MAN1A2: variants seen among roughly 807,000 people sequenced by gnomAD.
MAN1A2 encodes the protein mannosidase alpha class 1A member 2.
In MAN1A2, 26 loss-of-function variants were observed where a neutral mutation model predicts 75.7. That is an observed-to-expected ratio of 0.34 (90% CI 0.25 to 0.48). MAN1A2 has a LOEUF of 0.48. Ranked by LOEUF, MAN1A2 falls within the 20% of genes least tolerant of loss-of-function variation. The pLI is 0.99. For missense variants in MAN1A2, 562 were observed against 775.5 expected (o/e 0.72, Z 3.27); for synonymous variants, 247 against 264.6 (o/e 0.93, Z 0.65).
intron 5 of MAN1A2, among the ~76,000 whole-genome samples, chr1:117,437,940 C>T (rs1452970710): frequency 6.6e-6 from 1 of 152,198 alleles, no homozygotes; most frequent in Non-Finnish European, 1.5e-5. Flanking sequence ...TGTTGAGCAT[C>T]TGCTATATGC....
At chr1:117,512,177 G>A (rs1651556727) in intron 12 of MAN1A2, among the ~76,000 whole-genome samples, 1 of 152,134 alleles carries the variant, frequency 6.6e-6, no homozygotes, top group Non-Finnish European at 1.5e-5. Flanking sequence ...AAAGCAAGAA[G>A]AAGGGACCCA....
At position 117,367,879 on chromosome 1, in the gene MAN1A2, C is replaced by T. The variant is rs1652821305; in HGVS notation, c.-305C>T. The T allele has an allele frequency of 3.5e-6, 1 of 286,338 alleles. No individual in the cohort carries two copies. The highest frequency in any genetic ancestry group is 6.9e-5 in the East Asian group (1 of 14,506). The allele number at this position is 286,338 out of a possible 1,614,324, so 17.7% of individuals were successfully genotyped here. A position where few individuals can be genotyped will look rare whatever the true frequency, so the allele number is the denominator to read the frequency against. On this transcript the variant is annotated 5_prime_UTR_variant, in exon 1 of 13. Transcript: ENST00000356554. ...AAGAACCCACCTTGCAGCTTTTCTG[C>T]AGTGTGGCTTGCCTGATCTACCCCT...
Position 117,402,238 on chromosome 1 carries a change from T to C in MAN1A2, c.355T>C (p.Leu119=), listed in dbSNP as rs1317939450. 1.9e-6 allele frequency: 3 copies of C among 1,613,660 alleles called. No individual in the cohort carries two copies. Among genetic ancestry groups the C allele is most frequent in the Non-Finnish European group, 2.5e-6 (3 of 1,179,742 alleles). ...NKIRADHEKA[L]EEAKEKLRKS... ...AATTCGAGCTGATCATGAGAAGGCC[T>C]TGGAAGAAGCAAAAGAAAAATTAAG... The change falls in exon 2 of 13, where the codon TTG becomes CTG. Residue 119 remains leucine (L), a synonymous_variant. Coordinates refer to ENST00000356554, the MANE Select transcript of MAN1A2 (RefSeq NM_006699.5).
intron 9 of MAN1A2, chr1:117,494,572 G>T (rs1490025782): frequency 1.3e-5 from 2 of 151,894 alleles, no homozygotes; most frequent in Non-Finnish European, 2.9e-5. Context: ...AAATGCACAG[G>T]AGTTGAACTT....
intron 12 of MAN1A2, chr1:117,515,203 G>A (rs1651675711): frequency 5.9e-6 from 1 of 169,428 alleles, no homozygotes; most frequent in Non-Finnish European, 1.3e-5. Flanking sequence ...TCTGTTTTGA[G>A]CATGTATATA....
chr1:117,377,780 T>G (rs1303421144), intron 1 of MAN1A2, among the ~76,000 whole-genome samples: 5 of 152,318 alleles, frequency 3.3e-5, no homozygotes, highest in African/African-American at 1.2e-4. Flanking sequence ...ATAGTATGCT[T>G]TCATATCTGG....
intron 1 of MAN1A2, among the ~76,000 whole-genome samples, chr1:117,371,343 A>C (rs1289952): frequency 0.29 from 43,908 of 152,030 alleles, 6,815 homozygotes; most frequent in African/African-American, 0.39. Context: ...TGAAACTTTC[A>C]ATCTAGGGAG....
At chr1:117,470,480 TA>T (rs1650114849) in intron 8 of MAN1A2, among the ~76,000 whole-genome samples, 1 of 152,112 alleles carries the variant, frequency 6.6e-6, no homozygotes. Flanking sequence ...TTTTGTGTTA[TA>T]TACATTTCAT....
chr1:117,412,771 T>A (rs1436701164), intron 3 of MAN1A2, among the ~76,000 whole-genome samples: 1 of 151,836 alleles, frequency 6.6e-6, no homozygotes, highest in East Asian at 1.9e-4. Flanking sequence ...ACAATCATGA[T>A]GATAGCCAGT....
intron 12 of MAN1A2, among the ~76,000 whole-genome samples, chr1:117,509,265 G>A (rs1356306755): frequency 1.3e-5 from 2 of 151,886 alleles, no homozygotes; most frequent in Admixed American, 6.6e-5. Context: ...AGAAATGGCT[G>A]TAAACACATG....
intron 1 of MAN1A2, among the ~76,000 whole-genome samples, chr1:117,384,362 A>C (rs1305338418): frequency 6.6e-6 from 1 of 152,128 alleles, no homozygotes; most frequent in Non-Finnish European, 1.5e-5. Flanking sequence ...TTTCTTTGAC[A>C]TGTTGGTTAA....
In MAN1A2 at chr1:117,506,400, T is replaced by C. The variant is rs61805825; in HGVS notation, c.1793+3430T>C. Among the ~76,000 whole-genome samples, 853 of 151,710 alleles carry C rather than the reference T, an allele frequency of 5.6e-3. 5 individuals carry two copies. Among genetic ancestry groups the C allele is most frequent in the Non-Finnish European group, 8.9e-3 (601 of 67,682 alleles). ...TAGGTGCTATACCATGGAGTAGTTA[T>C]TGCTATAGGCATACTTTTTTCCCCA... On this transcript the variant is annotated intron_variant, in intron 12 of 12. Coordinates refer to ENST00000356554, the MANE Select transcript of MAN1A2 (RefSeq NM_006699.5).
At chr1:117,391,015 G>C (rs1653702096) in intron 1 of MAN1A2, among the ~76,000 whole-genome samples, 2 of 152,100 alleles carry the variant, frequency 1.3e-5, no homozygotes, top group South Asian at 4.1e-4. Context: ...TATCTGCAAT[G>C]ATCACCAGTC....
At chr1:117,435,919 G>A (rs1263308019) in intron 5 of MAN1A2, among the ~76,000 whole-genome samples, 1 of 152,076 alleles carries the variant, frequency 6.6e-6, no homozygotes, top group Non-Finnish European at 1.5e-5. Flanking sequence ...TTAGCTAGGC[G>A]TGGTGGCAGA....
chr1:117,382,521 G>A (rs1653378604), intron 1 of MAN1A2, among the ~76,000 whole-genome samples: 3 of 152,122 alleles, frequency 2.0e-5, no homozygotes, highest in Admixed American at 6.5e-5. Flanking sequence ...TGAGGGCTCT[G>A]TTCTGTTCCA....
chr1:117,371,508 G>A (rs1229620557), intron 1 of MAN1A2, among the ~76,000 whole-genome samples: 1 of 152,160 alleles, frequency 6.6e-6, no homozygotes, highest in African/African-American at 2.4e-5. Context: ...TTGAGAAAGT[G>A]TGCCTCAGAA....
rs566617350 is a variant in MAN1A2 at position 117,515,966 on chromosome 1, A to G, written c.1794-6859A>G. The G allele has an allele frequency of 5.1e-4, 77 of 152,258 alleles. 1 individual carries two copies. Among genetic ancestry groups the G allele is most frequent in the African/African-American group, 1.8e-3 (76 of 41,574 alleles). The allele number at this position is 152,258 out of a possible 1,614,324, so 9.4% of individuals were successfully genotyped here. ...AAAAAAATATAAGGAAAGCAATGGC[A>G]TGCTAAAAAGGGAATTATAAGATAA... On this transcript the variant is annotated intron_variant, in intron 12 of 12. Transcript: ENST00000356554.
At chr1:117,501,200 A>G (rs962750903) in intron 11 of MAN1A2, among the ~76,000 whole-genome samples, 1 of 151,810 alleles carries the variant, frequency 6.6e-6, no homozygotes, top group Admixed American at 6.6e-5. Context: ...TATAGGAGGT[A>G]GAATTTTGCT....
chr1:117,502,611 T>G (rs1651235857), intron 11 of MAN1A2, among the ~76,000 whole-genome samples: 1 of 151,648 alleles, frequency 6.6e-6, no homozygotes, highest in South Asian at 2.1e-4. Context: ...TAGGAAAATA[T>G]AAGATGTCTT....
Sources: allele counts gnomAD v4.1 joint callset (sites outside exome capture counted in the v4.1 genomes callset), GRCh38; gene constraint gnomAD v4.1.1; transcripts MANE v1.5; gene names NCBI Gene and HGNC (gene_info 2026-07-23, HGNC 2026-07-21).